Variants in TRPC3 observed in about 807,000 individuals in gnomAD.
TRPC3 encodes the protein transient receptor potential cation channel subfamily C member 3, also known as short transient receptor potential channel 3.
Under a neutral mutation model 90.9 loss-of-function variants are expected in TRPC3, and 54 were observed. The observed-to-expected ratio is 0.59, with a 90% CI of 0.48 to 0.75. TRPC3 has a LOEUF of 0.75. Among genes scored for constraint, TRPC3 ranks in the 30% least tolerant of loss-of-function variants. TRPC3 has a pLI of 0.00. For synonymous variants in TRPC3, 424 were observed against 450.9 expected (o/e 0.94, Z 0.75); for missense variants, 918 against 1,194.5 (o/e 0.77, Z 3.41).
rs551726131 is a variant in TRPC3, at chr4:121,904,607, T to G, written c.2058-90A>C. On this transcript the variant is annotated intron_variant, in intron 7 of 11. Transcript: ENST00000379645. ...AAAAAACAAGTTAGGGTTTAACTAC[T>G]GTACAGATGTAAAATGCCACCATAA... 14 of 871,818 alleles carry G rather than the reference T, an allele frequency of 1.6e-5. No homozygotes were observed. The East Asian group carries it at 3.9e-4, about 24-fold the overall frequency. 54.0% of individuals were successfully genotyped at this position (871,818 alleles called of 1,614,324 possible). A position where few individuals can be genotyped will look rare whatever the true frequency, so the allele number is the denominator to read the frequency against.
At chr4:121,908,497 C>T (rs1728966091) in intron 6 of TRPC3, among the ~76,000 whole-genome samples, 1 of 152,048 alleles carries the variant, frequency 6.6e-6, no homozygotes, top group African/African-American at 2.4e-5. Flanking sequence ...CAACAGTGGA[C>T]TGGATACAGA....
Position 121,932,666 on chromosome 4 carries a change from G to A in TRPC3, c.592C>T (p.Pro198Ser). Residue 198 changes from proline (P) to serine (S), a missense_variant, in exon 2 of 12, where the codon CCT becomes TCT. Pro to Ser is a moderately conservative substitution (Grantham distance 74). Coordinates refer to ENST00000379645, the MANE Select transcript of TRPC3 (RefSeq NM_001130698.2). The surrounding 1 kb of genome is among the most constrained non-coding windows in gnomAD (Gnocchi z 7.7). Reference protein sequence around the residue: ...VRIVEAILNHPGFAASKRLTL... With the variant: ...VRIVEAILNHSGFAASKRLTL... ...AGACGCTTGCTGGCCGCGAAGCCAG[G>A]GTGGTTGAGGATGGCCTCTACGATG... 5 of 1,612,868 alleles carry A rather than the reference G, an allele frequency of 3.1e-6. No homozygotes were observed. Among genetic ancestry groups the A allele is most frequent in the African/African-American group, 1.3e-5 (1 of 75,054 alleles).
chr4:121,880,585 G>A (rs1337104658), intron 11 of TRPC3, among the ~76,000 whole-genome samples: 1 of 152,088 alleles, frequency 6.6e-6, no homozygotes, highest in Non-Finnish European at 1.5e-5. Context: ...GCAGTATTTT[G>A]AGCATACGTA....
chr4:121,926,425 T>A (rs918826684), intron 2 of TRPC3, among the ~76,000 whole-genome samples: 1 of 138,760 alleles, frequency 7.2e-6, no homozygotes, highest in Non-Finnish European at 1.6e-5. Context: ...TTTTTTTTTT[T>A]AGATGGAGTC....
At chr4:121,933,896 T>C (rs1730042131) in intron 1 of TRPC3, among the ~76,000 whole-genome samples, 1 of 152,244 alleles carries the variant, frequency 6.6e-6, no homozygotes, top group East Asian at 1.9e-4. Flanking sequence ...CCTAGATTGA[T>C]TTTATTGAAA....
chr4:121,908,254 C>T (rs945768550), intron 6 of TRPC3, among the ~76,000 whole-genome samples: 13 of 152,122 alleles, frequency 8.5e-5, no homozygotes, highest in Non-Finnish European at 1.9e-4. Context: ...AACTTGCAGA[C>T]ATCTGCAATA....
chr4:121,907,422 A>C lies in TRPC3; in HGVS notation c.1938T>G (p.Thr646=). The change falls in exon 7 of 12, where the codon ACT becomes ACG. Residue 646 remains threonine (T), a synonymous_variant. Coordinates refer to ENST00000379645, the MANE Select transcript of TRPC3 (RefSeq NM_001130698.2). ...CCATGAACTTGAATATGTCCTTTAC[A>C]GTCCTTCCAAGAGAGATCTGCAGGG... ...FGPLQISLGR[T]VKDIFKFMVL... 6.2e-7 allele frequency: 1 copy of C among 1,613,518 alleles called. No homozygotes were observed. The highest frequency in any genetic ancestry group is 8.5e-7 in the Non-Finnish European group (1 of 1,179,594).
intron 10 of TRPC3, among the ~76,000 whole-genome samples, chr4:121,892,539 T>C (rs1012405116): frequency 3.9e-5 from 6 of 152,174 alleles, no homozygotes; most frequent in African/African-American, 1.4e-4. Flanking sequence ...GTCCCTGACA[T>C]TGTTAGGTAC....
At chr4:121,897,056 A>G (rs1243069354) in intron 10 of TRPC3, among the ~76,000 whole-genome samples, 1 of 152,124 alleles carries the variant, frequency 6.6e-6, no homozygotes, top group Non-Finnish European at 1.5e-5. Context: ...CAGTCTCTTC[A>G]ATAACTGGTG....
chr4:121,909,464 C>T (rs1030995860), intron 6 of TRPC3, among the ~76,000 whole-genome samples: 1 of 152,072 alleles, frequency 6.6e-6, no homozygotes, highest in African/African-American at 2.4e-5. Flanking sequence ...AACTGTGGCT[C>T]CTCAATTTGG....
chr4:121,899,118 C>T (rs1337743267), intron 10 of TRPC3, among the ~76,000 whole-genome samples: 1 of 152,132 alleles, frequency 6.6e-6, no homozygotes, highest in Non-Finnish European at 1.5e-5. Flanking sequence ...GTTCAAATGT[C>T]ACATCCAGTA....
intron 3 of TRPC3, 100 bp downstream of exon 3, chr4:121,924,918 C>T (rs527599461): frequency 1.8e-5 from 23 of 1,302,904 alleles, no homozygotes; most frequent in East Asian, 9.5e-5. Context: ...AGCCTACTAG[C>T]GTCTAGTCTT....
intron 3 of TRPC3, among the ~76,000 whole-genome samples, chr4:121,921,521 C>T (rs539088361): frequency 1.4e-4 from 8 of 56,926 alleles, no homozygotes; most frequent in African/African-American, 4.9e-4. Flanking sequence ...GACTCCGTCT[C>T]AAAAAAAAAA....
At chr4:121,903,756 T>C (rs2149119276) in intron 8 of TRPC3, among the ~76,000 whole-genome samples, 1 of 152,304 alleles carries the variant, frequency 6.6e-6, no homozygotes, top group East Asian at 1.9e-4. Context: ...GAGAACACTA[T>C]ATTATGAGTT....
intron 2 of TRPC3, among the ~76,000 whole-genome samples, chr4:121,931,340 A>T (rs140754432): frequency 3.4e-4 from 52 of 152,328 alleles, no homozygotes; most frequent in African/African-American, 1.2e-3. Flanking sequence ...TCGTCTTTTT[A>T]GATGGGAAAT....
In TRPC3 at chr4:121,951,444, C is replaced by A. The variant is rs1730747611; in HGVS notation, c.215+22G>T. ...CGGCACCGCCCTCCGAGGCGCGGGC[C>A]GCGGCCGGGCCCGGTACTCACAGGT... On this transcript the variant is annotated intron_variant, in intron 1 of 11. Transcript: ENST00000379645. This position sits in a 1 kb window ranked among gnomAD's most constrained non-coding sequence, Gnocchi z 4.4. The A allele has an allele frequency of 1.7e-6, 2 of 1,194,438 alleles. No individual in the cohort carries two copies. The highest frequency in any genetic ancestry group is 4.5e-5 in the Admixed American group (1 of 22,248). The allele number at this position is 1,194,438 out of a possible 1,614,324, so 74.0% of individuals were successfully genotyped here.
At chr4:121,912,147 T>C (rs1729131636) in intron 4 of TRPC3, 54 bp from the exon 5 acceptor site, 5 of 1,522,952 alleles carry the variant, frequency 3.3e-6, no homozygotes, top group South Asian at 1.2e-5. Flanking sequence ...CTTTCACTTG[T>C]GGAGATTACA....
chr4:121,902,133 G>A (rs1325817438), intron 9 of TRPC3, among the ~76,000 whole-genome samples: 1 of 152,082 alleles, frequency 6.6e-6, no homozygotes, highest in Non-Finnish European at 1.5e-5. Flanking sequence ...TATAGCTACA[G>A]ACCATTTTCA....
chr4:121,918,239 T>G (rs1729386989), intron 3 of TRPC3, among the ~76,000 whole-genome samples: 1 of 152,230 alleles, frequency 6.6e-6, no homozygotes, highest in African/African-American at 2.4e-5. Context: ...GCCTTGATCT[T>G]GGACTTCCCA....
Sources: gnomAD v4.1 joint callset for allele counts (sites outside exome capture counted in the v4.1 genomes callset) on GRCh38, gnomAD v4.1.1 for gene constraint, Gnocchi (gnomAD v3.1) non-coding constraint, MANE v1.5 for transcripts, NCBI Gene and HGNC (gene_info 2026-07-23, HGNC 2026-07-21) for gene names.